Variants in THSD7B observed in about 807,000 individuals in gnomAD.
THSD7B encodes the protein thrombospondin type 1 domain containing 7B.
Under a neutral mutation model 213.6 loss-of-function variants are expected in THSD7B, and 138 were observed. That is an observed-to-expected ratio of 0.65 (90% CI 0.56 to 0.74). The LOEUF (loss-of-function observed/expected upper bound fraction) is 0.74. Among genes scored for constraint, THSD7B ranks in the 30% least tolerant of loss-of-function variants. The pLI is 0.00. For missense variants in THSD7B, 1,931 were observed against 1,991.5 expected (o/e 0.97, Z 0.58); for synonymous variants, 742 against 687.0 (o/e 1.08, Z -1.25).
At chr2:137,642,348 G>T in intron 20 of THSD7B, 140 bp from the exon 21 acceptor site, 1 of 1,034,828 alleles carries the variant, frequency 9.7e-7, no homozygotes, top group Non-Finnish European at 1.4e-6. Flanking sequence ...AAATGAAAAT[G>T]ACAGAAAAAC....
intron 3 of THSD7B, among the ~76,000 whole-genome samples, chr2:137,073,086 C>T (rs866305994): frequency 0.046 from 6,542 of 143,470 alleles, no homozygotes; most frequent in African/African-American, 0.091. Flanking sequence ...GTGTCTCTGC[C>T]ATGCTTTGGT....
At chr2:137,515,988 A>G (rs1680060700) in intron 15 of THSD7B, among the ~76,000 whole-genome samples, 1 of 152,230 alleles carries the variant, frequency 6.6e-6, no homozygotes, top group Non-Finnish European at 1.5e-5. Flanking sequence ...TCTGCATGTC[A>G]GATCTAACAA....
chr2:137,590,792 G>GTTTTTTTTTTTTTTGTTTT (rs1681847358), intron 17 of THSD7B, among the ~76,000 whole-genome samples: 1 of 88,716 alleles, frequency 1.1e-5, no homozygotes, highest in Non-Finnish European at 2.3e-5. Context: ...CTTTGAAATA[G>GTTTTTTTTTTTTTTGTTTT]TTTTTTTTTT....
At chr2:136,812,057 G>C (rs1682384728) in intron 1 of THSD7B, among the ~76,000 whole-genome samples, 1 of 152,196 alleles carries the variant, frequency 6.6e-6, no homozygotes, top group African/African-American at 2.4e-5. Flanking sequence ...GCAATAGACA[G>C]CAAATTACTT....
chr2:137,200,372 T>C (rs942116642), intron 7 of THSD7B, among the ~76,000 whole-genome samples: 9 of 152,134 alleles, frequency 5.9e-5, no homozygotes, highest in Non-Finnish European at 1.2e-4. Context: ...ATGTAAATAC[T>C]TTACTGTTCA....
rs1432110876 is a variant in THSD7B, at chr2:137,313,202, G to A, written c.2500+37176G>A. On this transcript the variant is annotated intron_variant, in intron 12 of 27. Coordinates refer to ENST00000409968, the MANE Select transcript of THSD7B (RefSeq NM_001316349.2). The stretch of plus-strand genomic sequence containing the variant: ...GAATCTGGGTGCTCCTGTATTGGAT[G>A]CATATATATTTAGGATAGTTAGCTC... Among the ~76,000 whole-genome samples the A allele has an allele frequency of 2.6e-5, 4 of 152,176 alleles. No individual in the cohort carries two copies. In the East Asian group the frequency reaches 5.8e-4, roughly 22 times the overall value.
chr2:137,368,108 T>G (rs951839485), intron 12 of THSD7B, among the ~76,000 whole-genome samples: 1 of 152,104 alleles, frequency 6.6e-6, no homozygotes. Flanking sequence ...ATAAAAGCCT[T>G]CCTGTATCTG....
At chr2:137,608,291 T>C (rs2104830251) in intron 17 of THSD7B, among the ~76,000 whole-genome samples, 1 of 152,306 alleles carries the variant, frequency 6.6e-6, no homozygotes, top group East Asian at 1.9e-4. Flanking sequence ...TTTCCCAATC[T>C]CTAATTACCA....
intron 17 of THSD7B, among the ~76,000 whole-genome samples, chr2:137,590,236 T>C (rs1681833892): frequency 6.6e-6 from 1 of 152,186 alleles, no homozygotes; most frequent in African/African-American, 2.4e-5. Flanking sequence ...TACAAGCATT[T>C]AGTACAAGAC....
chr2:137,042,321 G>C (rs542525878), intron 2 of THSD7B, among the ~76,000 whole-genome samples: 3 of 152,232 alleles, frequency 2.0e-5, no homozygotes, highest in East Asian at 3.9e-4. Context: ...TGTAATCATT[G>C]AGGTTAAGAA....
intron 7 of THSD7B, among the ~76,000 whole-genome samples, chr2:137,217,633 G>T (rs909992294): frequency 6.6e-6 from 1 of 152,140 alleles, no homozygotes; most frequent in African/African-American, 2.4e-5. Context: ...TATATTGATG[G>T]TGATACATTT....
rs1355710473 is a variant in THSD7B, at chr2:137,073,053, G to T, written c.950+15823G>T. On this transcript the variant is annotated intron_variant, in intron 3 of 27. Coordinates refer to ENST00000409968, the MANE Select transcript of THSD7B (RefSeq NM_001316349.2). ...GCATCAATGTTCATCAAGGATATTG[G>T]TCTAAAATTCTCTTTTTTTGTTGTG... Among the ~76,000 whole-genome samples, 4 of 152,132 alleles carry T rather than the reference G, an allele frequency of 2.6e-5. No homozygotes were observed. The East Asian group carries it at 7.7e-4, about 29-fold the overall frequency.
At chr2:136,875,376 C>G (rs1181962729) in intron 1 of THSD7B, among the ~76,000 whole-genome samples, 1 of 152,128 alleles carries the variant, frequency 6.6e-6, no homozygotes, top group Non-Finnish European at 1.5e-5. Flanking sequence ...GAGCCGAGAT[C>G]GTGCCACTGC....
intron 2 of THSD7B, among the ~76,000 whole-genome samples, chr2:136,885,596 C>G (rs1031042283): frequency 9.9e-5 from 15 of 152,152 alleles, no homozygotes; most frequent in African/African-American, 3.4e-4. Flanking sequence ...TAAAACTATT[C>G]ATGCCTGCCT....
At chr2:136,919,387 A>C (rs1684398229) in intron 2 of THSD7B, among the ~76,000 whole-genome samples, 1 of 152,346 alleles carries the variant, frequency 6.6e-6, no homozygotes, top group South Asian at 2.1e-4. Context: ...CTCACCTTGC[A>C]GCAGTCTGCT....
chr2:136,768,819 C>G (rs1026513443), intron 1 of THSD7B, among the ~76,000 whole-genome samples: 1 of 152,148 alleles, frequency 6.6e-6, no homozygotes, highest in Non-Finnish European at 1.5e-5. Flanking sequence ...CAGTATATAA[C>G]TATAAAAGAA....
chr2:137,290,225 A>G (rs938277718), intron 12 of THSD7B, among the ~76,000 whole-genome samples: 35 of 151,206 alleles, frequency 2.3e-4, no homozygotes, highest in Admixed American at 2.0e-3. Flanking sequence ...AGTAGCTGGG[A>G]CTACAAGGCG....
chr2:137,660,324 A>G (rs1251005880), intron 25 of THSD7B, among the ~76,000 whole-genome samples: 1 of 152,214 alleles, frequency 6.6e-6, no homozygotes, highest in Non-Finnish European at 1.5e-5. Context: ...ATTCTAATCA[A>G]TGGCACTCAT....
intron 1 of THSD7B, among the ~76,000 whole-genome samples, chr2:136,774,940 A>G (rs2558094): frequency 0.016 from 2,505 of 152,238 alleles, 75 homozygotes; most frequent in African/African-American, 0.057. Context: ...TTTGTAAGCT[A>G]TATGAATAAA....
Sources: gnomAD v4.1 joint callset for allele counts (sites outside exome capture counted in the v4.1 genomes callset) on GRCh38, gnomAD v4.1.1 for gene constraint, MANE v1.5 for transcripts, NCBI Gene and HGNC (gene_info 2026-07-23, HGNC 2026-07-21) for gene names.